TANGO6: variants seen among roughly 807,000 people sequenced by gnomAD.
TANGO6 encodes transport and Golgi organization protein 6 homolog.
TANGO6 carries 90 observed loss-of-function variants against 114.2 expected under a neutral mutation model. The ratio of observed to expected loss-of-function variants is 0.79; its 90% confidence interval spans 0.66 to 0.94. The LOEUF (loss-of-function observed/expected upper bound fraction) is 0.94, where lower values mean the gene tolerates loss of function less well. TANGO6 is among the 40% of genes least tolerant of loss of function. TANGO6 has a pLI of 0.00. For synonymous variants in TANGO6, 477 were observed against 509.8 expected, an observed-to-expected ratio of 0.94 and a Z score of 0.87; for missense variants, 1,274 against 1,315.3, an observed-to-expected ratio of 0.97 and a Z score of 0.49.
Position 69,022,968 on chromosome 16 carries a change from G to C in TANGO6, c.2983G>C (p.Val995Leu). The C allele has an allele frequency of 2.5e-6, 4 of 1,597,276 alleles. No individual in the cohort carries two copies. The highest frequency in any genetic ancestry group is 3.4e-6 in the Non-Finnish European group (4 of 1,174,536). ...GAGGCTGGACTTTCTGCTGGGCTCC[G>C]TGGTCCATGAGGTACTGTATTTTGA... ...CQRLDFLLGS[V>L]VHEVTACLIA... The change falls in exon 16 of 18, where the codon GTG becomes CTG. Residue 995 changes from valine (V) to leucine (L), a missense_variant. By Grantham distance (32) the Val-to-Leu change is conservative. Transcript: ENST00000261778.
intron 15 of TANGO6, among the ~76,000 whole-genome samples, chr16:69,003,662 GTTTA>G (rs1964065130): frequency 6.6e-6 from 1 of 152,010 alleles, no homozygotes; most frequent in Admixed American, 6.5e-5. Flanking sequence ...TTTCATTGTA[GTTTA>G]TTTAATTATA....
At chr16:69,055,176 C>A (rs1960014718) in intron 17 of TANGO6, among the ~76,000 whole-genome samples, 1 of 152,132 alleles carries the variant, frequency 6.6e-6, no homozygotes, top group African/African-American at 2.4e-5. Flanking sequence ...TGTGACTGTA[C>A]TCAGAGTTAT....
chr16:69,045,062 C>G (rs1302858707), intron 17 of TANGO6, among the ~76,000 whole-genome samples: 4 of 149,460 alleles, frequency 2.7e-5, no homozygotes, highest in Admixed American at 6.8e-5. Flanking sequence ...GAGGCCAAGA[C>G]AGGAGAATTG....
intron 17 of TANGO6, among the ~76,000 whole-genome samples, chr16:69,073,904 G>A (rs1165920938): frequency 3.3e-5 from 5 of 151,470 alleles, no homozygotes; most frequent in Admixed American, 1.3e-4. Flanking sequence ...GCAGTGAGCC[G>A]AGATCATGCC....
chr16:69,056,418 C>T (rs1960033198), intron 17 of TANGO6, among the ~76,000 whole-genome samples: 1 of 152,102 alleles, frequency 6.6e-6, no homozygotes, highest in South Asian at 2.1e-4. Flanking sequence ...ATTTATATTT[C>T]ACAGAAATGT....
chr16:68,908,026 C>T (rs1034943336), intron 10 of TANGO6, among the ~76,000 whole-genome samples: 9 of 152,086 alleles, frequency 5.9e-5, no homozygotes, highest in African/African-American at 1.2e-4. Flanking sequence ...AAGCCTTTTC[C>T]GGGTTTGTTT....
At chr16:68,885,492 T>C (rs1287422993) in intron 7 of TANGO6, 2 of 152,230 alleles carry the variant, frequency 1.3e-5, no homozygotes, top group Non-Finnish European at 2.9e-5. Context: ...ACTCATCTAT[T>C]TTCTGTCTCT....
At chr16:68,905,099 G>A (rs767721897) in intron 9 of TANGO6, among the ~76,000 whole-genome samples, 33 of 152,016 alleles carry the variant, frequency 2.2e-4, no homozygotes, top group Non-Finnish European at 3.5e-4. Flanking sequence ...GCATGGTGGC[G>A]CATGCCTGTA....
At chr16:68,924,810 C>T (rs569440675) in intron 12 of TANGO6, among the ~76,000 whole-genome samples, 36 of 151,194 alleles carry the variant, frequency 2.4e-4, no homozygotes, top group African/African-American at 8.7e-4. Context: ...AAAACAGAAA[C>T]AAACTCCTCA....
intron 15 of TANGO6, among the ~76,000 whole-genome samples, chr16:69,005,930 G>C (rs1316543297): frequency 2.6e-5 from 4 of 152,070 alleles, no homozygotes; most frequent in African/African-American, 9.7e-5. Flanking sequence ...CCTCTGTTAA[G>C]AAACTTTTAA....
chr16:68,970,290 C>A (rs1963689292), intron 14 of TANGO6, among the ~76,000 whole-genome samples: 1 of 152,120 alleles, frequency 6.6e-6, no homozygotes, highest in Non-Finnish European at 1.5e-5. Flanking sequence ...GAGAGGAAGT[C>A]CAGAGCTCAT....
intron 14 of TANGO6, among the ~76,000 whole-genome samples, chr16:68,960,321 G>C (rs1013889312): frequency 7.8e-6 from 1 of 128,362 alleles, no homozygotes; most frequent in East Asian, 2.2e-4. Context: ...TTTTCTGTAC[G>C]TACTCCAGAA....
intron 15 of TANGO6, among the ~76,000 whole-genome samples, chr16:68,990,950 A>G (rs1201666627): frequency 6.6e-6 from 1 of 152,276 alleles, no homozygotes; most frequent in East Asian, 1.9e-4. Context: ...AAGCAGAGAG[A>G]CCTATTAGGA....
chr16:68,909,281 T>A lies in TANGO6; in HGVS notation c.1871T>A (p.Leu624Ter). The change falls in exon 11 of 18, where the codon TTG becomes TAG. Residue 624 changes from leucine (L) to a stop codon, truncating the protein, a stop_gained. Coordinates refer to ENST00000261778, the MANE Select transcript of TANGO6 (RefSeq NM_024562.2). LOFTEE classifies it high-confidence loss of function. ...GAGCCCTTCTCCAGCAAGAGCCTCTTGGAATTAGAGCAACATCAGACTCTT... is the reference window on the plus strand; with the variant it reads ...GAGCCCTTCTCCAGCAAGAGCCTCTAGGAATTAGAGCAACATCAGACTCTT... ...KTEPFSSKSLLELEQHQTLLV... is the reference protein window; with the variant it reads ...KTEPFSSKSL 1 of 1,610,700 alleles carries A rather than the reference T, an allele frequency of 6.2e-7. No individual in the cohort carries two copies. The highest frequency in any genetic ancestry group is 8.5e-7 in the Non-Finnish European group (1 of 1,178,326).
intron 1 of TANGO6, among the ~76,000 whole-genome samples, chr16:68,845,641 C>T (rs1961791264): frequency 6.6e-6 from 1 of 151,956 alleles, no homozygotes; most frequent in Non-Finnish European, 1.5e-5. Flanking sequence ...GAGTTTGAGA[C>T]CAGACTGGGC....
Position 68,930,267 on chromosome 16 carries a change from CACT to C in TANGO6, c.2674_2676del (p.Thr892del). On this transcript the variant is annotated inframe_deletion, in exon 14 of 18. Coordinates refer to ENST00000261778, the MANE Select transcript of TANGO6 (RefSeq NM_024562.2). ...TCTTGGAAAACTTGGAACATGAAGA[CACT>C]TTTGTATATCTATCTGCAATTCAGG... 6.4e-7 allele frequency: 1 copy of C among 1,554,670 alleles called. No homozygotes were observed. Among genetic ancestry groups the C allele is most frequent in the Non-Finnish European group, 8.7e-7 (1 of 1,147,988 alleles).
intron 14 of TANGO6, among the ~76,000 whole-genome samples, chr16:68,958,215 G>A (rs1963553229): frequency 2.0e-5 from 3 of 151,330 alleles, no homozygotes; most frequent in East Asian, 1.9e-4. Context: ...TGTATGAGCC[G>A]GGTGCAGTCA....
chr16:68,940,285 G>A (rs1412868946), intron 14 of TANGO6, among the ~76,000 whole-genome samples: 1 of 151,478 alleles, frequency 6.6e-6, no homozygotes, highest in Non-Finnish European at 1.5e-5. Flanking sequence ...CTCCTGGGCT[G>A]AAACTACCCT....
At position 69,083,667 on chromosome 16, in the gene TANGO6, G is replaced by A. The variant is rs1187741184; in HGVS notation, c.*6G>A. The A allele has an allele frequency of 2.6e-6, 4 of 1,553,912 alleles. No homozygotes were observed. Among genetic ancestry groups the A allele is most frequent in the Non-Finnish European group, 2.6e-6 (3 of 1,148,292 alleles). On this transcript the variant is annotated 3_prime_UTR_variant, in exon 18 of 18. Coordinates refer to ENST00000261778, the MANE Select transcript of TANGO6 (RefSeq NM_024562.2). Reference sequence around the variant, plus strand: ...AGATCATGGTCCTGCCGTAGACCTGGCTCCAAGGACGTGGAGGAGGCAGGC... The same window carrying A: ...AGATCATGGTCCTGCCGTAGACCTGACTCCAAGGACGTGGAGGAGGCAGGC...
Sources: allele counts gnomAD v4.1 joint callset (sites outside exome capture counted in the v4.1 genomes callset), GRCh38; gene constraint gnomAD v4.1.1; transcripts MANE v1.5; gene names NCBI Gene and HGNC (gene_info 2026-07-23, HGNC 2026-07-21).